WASHC4: variants seen among roughly 807,000 people sequenced by gnomAD.
WASHC4 encodes WASH complex subunit 7.
In WASHC4, 86 loss-of-function variants were observed where a neutral mutation model predicts 166.6. That is an observed-to-expected ratio of 0.52 (90% confidence interval 0.43 to 0.62). WASHC4 has a LOEUF of 0.62. Ranked by LOEUF, WASHC4 falls within the 20% of genes least tolerant of loss-of-function variation. The probability of loss-of-function intolerance (pLI) is 0.00; values close to 1 mark genes in which losing one functional copy is unlikely to be tolerated. For missense variants in WASHC4, 1,262 were observed against 1,382.4 expected (o/e 0.91, Z 1.38); for synonymous variants, 446 against 451.6 (o/e 0.99, Z 0.16).
At chr12:105,151,958 CG>C (rs1159024944) in intron 25 of WASHC4, among the ~76,000 whole-genome samples, 11 of 152,114 alleles carry the variant, frequency 7.2e-5, no homozygotes, top group African/African-American at 2.4e-4. Flanking sequence ...ACCCAGCTGA[CG>C]TGTGTTCATT....
At chr12:105,136,043 G>A (rs1034713228) in intron 14 of WASHC4, among the ~76,000 whole-genome samples, 1 of 152,104 alleles carries the variant, frequency 6.6e-6, no homozygotes, top group Non-Finnish European at 1.5e-5. Flanking sequence ...GCTAGTCTAG[G>A]ACGGTTAGCA....
At chr12:105,148,666 T>C in intron 24 of WASHC4, 1 of 985,316 alleles carries the variant, frequency 1.0e-6, no homozygotes, top group African/African-American at 1.7e-5. Flanking sequence ...AGCTACAAGA[T>C]AAGTTCCCGA....
rs1267413865 is a variant in WASHC4, at chr12:105,111,205, G to A, written c.142G>A (p.Ala48Thr). The change falls in exon 2 of 33, where the codon GCT (alanine) becomes ACT (threonine). Residue 48 changes from alanine to threonine, a missense_variant. By Grantham distance (58) the Ala-to-Thr change is moderately conservative (BLOSUM62 0). Coordinates refer to ENST00000332180, the MANE Select transcript of WASHC4 (RefSeq NM_015275.3). Reference sequence around the variant, plus strand: ...CTCTCAACTGAGAAGAATTGAGGACGCTCTGGATGACTCAATTGGAGATGT... The same window carrying A: ...CTCTCAACTGAGAAGAATTGAGGACACTCTGGATGACTCAATTGGAGATGT... The part of the protein sequence containing the change: ...YTSQLRRIED[A>T]LDDSIGDVWD... 3.7e-6 allele frequency: 6 copies of A among 1,606,118 alleles called. No individual in the cohort carries two copies. Among genetic ancestry groups the A allele is most frequent in the East Asian group, 2.2e-5 (1 of 44,760 alleles).
At chr12:105,148,250 A>G in intron 24 of WASHC4, 2 of 985,374 alleles carry the variant, frequency 2.0e-6, no homozygotes, top group Non-Finnish European at 2.4e-6. Flanking sequence ...TTTAAATTCC[A>G]AATGAAGAGT....
intron 6 of WASHC4, among the ~76,000 whole-genome samples, chr12:105,116,688 G>A (rs879221419): frequency 6.6e-6 from 1 of 151,980 alleles, no homozygotes; most frequent in African/African-American, 2.4e-5. Flanking sequence ...TTTTATTATC[G>A]GTATGTATCC....
chr12:105,133,744 G>A, intron 13 of WASHC4, 26 bp from the exon 14 acceptor site: 2 of 1,606,042 alleles, frequency 1.2e-6, no homozygotes, highest in Non-Finnish European at 1.7e-6. Context: ...TCTTTGCTGA[G>A]TAACCCCAAT....
At chr12:105,138,129 G>C in intron 15 of WASHC4, 118 bp downstream of exon 15, 1 of 961,154 alleles carries the variant, frequency 1.0e-6, no homozygotes, top group African/African-American at 1.7e-5. Flanking sequence ...TTGTGAGAAA[G>C]TACTTCTCTC....
Position 105,157,354 on chromosome 12 carries a change from G to A in WASHC4, c.2912+32G>A, listed in dbSNP as rs918245816. On this transcript the variant is annotated intron_variant, in intron 28 of 32. Transcript: ENST00000332180. The stretch of plus-strand genomic sequence containing the variant: ...TAAATTTGGAAATATAAAAAAGTGT[G>A]TTTATAAAAAACATTCTGAAGAGAA... 8.7e-6 allele frequency: 11 copies of A among 1,264,312 alleles called. No homozygotes were observed. The Admixed American group carries it at 1.0e-4, about 12-fold the overall frequency. The allele number at this position is 1,264,312 out of a possible 1,614,324, so 78.3% of individuals were successfully genotyped here.
rs759223624 is a variant in WASHC4 at position 105,140,981 on chromosome 12, A to G, written c.1643A>G (p.Asn548Ser). The G allele has an allele frequency of 2.5e-5, 40 of 1,614,080 alleles. No homozygotes were observed. Among genetic ancestry groups the G allele is most frequent in the South Asian group, 2.1e-4 (19 of 91,088 alleles). ...SALVLAENTLNGPSTKQRRLI... is the reference protein window; with the variant it reads ...SALVLAENTLSGPSTKQRRLI... Reference sequence around the variant, plus strand: ...CTAGTTTTGGCTGAAAACACTCTAAATGGACCAAGCACAAAGCAACGGCGA... The same window carrying G: ...CTAGTTTTGGCTGAAAACACTCTAAGTGGACCAAGCACAAAGCAACGGCGA... The change falls in exon 17 of 33, where the codon AAT becomes AGT. Residue 548 changes from asparagine to serine, a missense_variant. By Grantham distance (46) the Asn-to-Ser change is conservative. Coordinates refer to ENST00000332180, the MANE Select transcript of WASHC4 (RefSeq NM_015275.3).
In WASHC4 at chr12:105,140,378, C is replaced by T; in HGVS notation, c.1537C>T (p.Leu513Phe). 2 of 1,604,808 alleles carry T rather than the reference C, an allele frequency of 1.2e-6. No homozygotes were observed. The highest frequency in any genetic ancestry group is 8.5e-7 in the Non-Finnish European group (1 of 1,171,728). Reference sequence around the variant, plus strand: ...AACACAGCACCTTCAACATCAGGCTCTTCATTCTATTTCTGTGGCCAAGGT... The same window carrying T: ...AACACAGCACCTTCAACATCAGGCTTTTCATTCTATTTCTGTGGCCAAGGT... ...HITQHLQHQA[L>F]HSISVAKKRV... The change falls in exon 16 of 33, where the codon CTT becomes TTT. Residue 513 changes from leucine to phenylalanine, a missense_variant. Transcript: ENST00000332180.
At chr12:105,123,977 C>G (rs190137056) in intron 10 of WASHC4, among the ~76,000 whole-genome samples, 1 of 152,290 alleles carries the variant, frequency 6.6e-6, no homozygotes, top group East Asian at 1.9e-4. Flanking sequence ...AGGCAAGACC[C>G]TTGGCCAGCA....
At chr12:105,126,738 T>C (rs1223656114) in intron 12 of WASHC4, among the ~76,000 whole-genome samples, 1 of 152,082 alleles carries the variant, frequency 6.6e-6, no homozygotes, top group Admixed American at 6.5e-5. Context: ...AATTGAAAGA[T>C]TAGTTTGTGT....
At chr12:105,144,695 G>A in intron 21 of WASHC4, 23 bp from the exon 22 acceptor site, 3 of 1,592,810 alleles carry the variant, frequency 1.9e-6, no homozygotes, top group Non-Finnish European at 2.6e-6. Context: ...TGTTTCACAA[G>A]TTGAATTTTT....
At chr12:105,125,177 C>A (rs1415002089) in intron 10 of WASHC4, among the ~76,000 whole-genome samples, 1 of 152,160 alleles carries the variant, frequency 6.6e-6, no homozygotes, top group East Asian at 1.9e-4. Context: ...CTCTTGTTTA[C>A]AGTTGACCCT....
At chr12:105,141,823 T>G (rs1882877003) in intron 18 of WASHC4, among the ~76,000 whole-genome samples, 1 of 152,164 alleles carries the variant, frequency 6.6e-6, no homozygotes, top group South Asian at 2.1e-4. Context: ...AACTTACTTT[T>G]TTGTTGTTCT....
At position 105,156,776 on chromosome 12, in the gene WASHC4, A is replaced by G; in HGVS notation, c.2809A>G (p.Ser937Gly). ...RMIRSGGLHC[S>G]SNAIRFVPDL... ...GATAAGATCTGGTGGTCTTCATTGTAGCAGCAATGCCATTAGGTATGGATG... is the reference window on the plus strand; with the variant it reads ...GATAAGATCTGGTGGTCTTCATTGTGGCAGCAATGCCATTAGGTATGGATG... The change falls in exon 27 of 33, where the codon AGC becomes GGC. Residue 937 changes from serine to glycine, a missense_variant. Transcript: ENST00000332180. 1 of 1,612,040 alleles carries G rather than the reference A, an allele frequency of 6.2e-7. No homozygotes were observed. The highest frequency in any genetic ancestry group is 8.5e-7 in the Non-Finnish European group (1 of 1,178,524).
chr12:105,134,480 C>G (rs977333126), intron 14 of WASHC4, among the ~76,000 whole-genome samples: 5 of 151,984 alleles, frequency 3.3e-5, no homozygotes, highest in African/African-American at 1.2e-4. Context: ...TCTGTTTATC[C>G]TTGTTCTGTA....
At chr12:105,143,833 A>G (rs1883066486) in intron 20 of WASHC4, among the ~76,000 whole-genome samples, 1 of 151,972 alleles carries the variant, frequency 6.6e-6, no homozygotes, top group East Asian at 1.9e-4. Context: ...AACTTTTTAT[A>G]ATTTCTTGTA....
chr12:105,142,809 A>G (rs1002256966), intron 19 of WASHC4, among the ~76,000 whole-genome samples: 2 of 152,032 alleles, frequency 1.3e-5, no homozygotes, highest in Non-Finnish European at 2.9e-5. Context: ...TGTCATAGTA[A>G]TCTGACATTT....
Sources: allele counts gnomAD v4.1 joint callset (sites outside exome capture counted in the v4.1 genomes callset), GRCh38; gene constraint gnomAD v4.1.1; transcripts MANE v1.5; gene names NCBI Gene and HGNC (gene_info 2026-07-23, HGNC 2026-07-21).